Variants in ZFPM2 observed in about 807,000 individuals in gnomAD.
The protein encoded by ZFPM2 is zinc finger protein, FOG family member 2, also known as zinc finger protein ZFPM2.
ZFPM2 carries 20 observed loss-of-function variants against 98.6 expected under a neutral mutation model. The ratio of observed to expected loss-of-function variants is 0.20; its 90% CI spans 0.14 to 0.29. The LOEUF is 0.29. Among genes scored for constraint, ZFPM2 ranks in the 10% least tolerant of loss-of-function variants. ZFPM2 has a pLI of 1.00. For synonymous variants in ZFPM2, 518 were observed against 502.7 expected, an observed-to-expected ratio of 1.03 and a Z score of -0.41; for missense variants, 1,310 against 1,388.6, an observed-to-expected ratio of 0.94 and a Z score of 0.90.
At chr8:105,724,763 G>T (rs572101487) in intron 5 of ZFPM2, among the ~76,000 whole-genome samples, 2 of 151,796 alleles carry the variant, frequency 1.3e-5, no homozygotes, top group South Asian at 2.1e-4. Context: ...TTAACTTTTT[G>T]TAGTAGATTT....
At chr8:105,621,652 T>C (rs1421677856) in intron 4 of ZFPM2, among the ~76,000 whole-genome samples, 1 of 152,178 alleles carries the variant, frequency 6.6e-6, no homozygotes, top group East Asian at 1.9e-4. Context: ...ATGAGCTTGA[T>C]TATTAATATT....
intron 4 of ZFPM2, among the ~76,000 whole-genome samples, chr8:105,616,021 G>A (rs1487149304): frequency 6.6e-6 from 1 of 151,906 alleles, no homozygotes; most frequent in African/African-American, 2.4e-5. Flanking sequence ...TTAAGATTAT[G>A]GTATTTAAAT....
chr8:105,517,633 T>G (rs1206579789), intron 3 of ZFPM2, among the ~76,000 whole-genome samples: 1 of 150,868 alleles, frequency 6.6e-6, no homozygotes, highest in African/African-American at 2.4e-5. Flanking sequence ...GAGGATCACT[T>G]CAGGGCAGGA....
chr8:105,801,802 C>T lies in ZFPM2; in HGVS notation c.1720C>T (p.Arg574Ter). Residue 574 changes from arginine to a stop codon, truncating the protein, a stop_gained, in exon 8 of 8, where the codon CGA (arginine) becomes TGA (stop). Transcript: ENST00000407775. LOFTEE classifies it high-confidence loss of function. Reference sequence around the variant, plus strand: ...GCACAAAAAGCATTATTGCAGCAGCCGATGGCAGCAGATGGCTAAGTCCCC... The same window carrying T: ...GCACAAAAAGCATTATTGCAGCAGCTGATGGCAGCAGATGGCTAAGTCCCC... Reference protein sequence around the residue: ...LVHKKHYCSSRWQQMAKSPEF... With the variant: ...LVHKKHYCSS 2 of 1,613,894 alleles carry T rather than the reference C, an allele frequency of 1.2e-6. No homozygotes were observed. The highest frequency in any genetic ancestry group is 1.7e-6 in the Non-Finnish European group (2 of 1,179,872).
At chr8:105,486,131 C>T (rs1296907456) in intron 3 of ZFPM2, among the ~76,000 whole-genome samples, 1 of 151,986 alleles carries the variant, frequency 6.6e-6, no homozygotes, top group Non-Finnish European at 1.5e-5. Context: ...CATAATCCTA[C>T]TTCTATAAGT....
intron 1 of ZFPM2, among the ~76,000 whole-genome samples, chr8:105,386,302 TA>T (rs964645920): frequency 6.0e-4 from 92 of 152,272 alleles, no homozygotes; most frequent in African/African-American, 1.5e-3. Context: ...CATACATTTT[TA>T]ATTTTTTTAC....
At chr8:105,694,717 T>G (rs1463615097) in intron 5 of ZFPM2, among the ~76,000 whole-genome samples, 1 of 152,184 alleles carries the variant, frequency 6.6e-6, no homozygotes, top group Non-Finnish European at 1.5e-5. Flanking sequence ...TTAAGTACAT[T>G]AATTTTACTA....
intron 5 of ZFPM2, among the ~76,000 whole-genome samples, chr8:105,736,980 AT>A (rs200918473): frequency 2.2e-4 from 33 of 151,980 alleles, no homozygotes; most frequent in Middle Eastern, 3.4e-3. Flanking sequence ...TATTTTAAAG[AT>A]TTTTTTTCAC....
chr8:105,516,800 C>A (rs1374321457), intron 3 of ZFPM2, among the ~76,000 whole-genome samples: 3 of 152,142 alleles, frequency 2.0e-5, no homozygotes. Flanking sequence ...GTGTGTCCAG[C>A]ACCGTTCCAG....
chr8:105,670,015 G>A (rs2130902291), intron 5 of ZFPM2: 1 of 152,288 alleles, frequency 6.6e-6, no homozygotes, highest in African/African-American at 2.4e-5. Context: ...AGCGAAGAAT[G>A]ACAGCATGTC....
intron 5 of ZFPM2, among the ~76,000 whole-genome samples, chr8:105,718,917 G>A (rs912571409): frequency 1.1e-4 from 16 of 151,796 alleles, no homozygotes; most frequent in Admixed American, 7.9e-4. Context: ...CCCACATGTA[G>A]AGAGATGACT....
At chr8:105,391,154 A>G (rs1451655090) in intron 1 of ZFPM2, among the ~76,000 whole-genome samples, 2 of 152,174 alleles carry the variant, frequency 1.3e-5, no homozygotes, top group East Asian at 1.9e-4. Flanking sequence ...AACAAAAGCA[A>G]ATCTTTCAGT....
At position 105,788,738 on chromosome 8, in the gene ZFPM2, A is replaced by G. The variant is rs1813497461; in HGVS notation, c.553A>G (p.Thr185Ala). 6.2e-7 allele frequency: 1 copy of G among 1,613,986 alleles called. No individual in the cohort carries two copies. The highest frequency in any genetic ancestry group is 8.5e-7 in the Non-Finnish European group (1 of 1,179,866). Residue 185 changes from threonine (T) to alanine (A), a missense_variant, in exon 6 of 8, where the codon ACT becomes GCT. By Grantham distance (58) the Thr-to-Ala change is moderately conservative (BLOSUM62 0). Transcript: ENST00000407775. ...YSKGGQLWCT[T>A]TKAISEGEEL... ...AATAGGGGGTCAGCTTTGGTGTACA[A>G]CTACGAAGGCCATCTCTGAGGGTGA...
At chr8:105,403,312 T>C (rs1199972864) in intron 1 of ZFPM2, among the ~76,000 whole-genome samples, 1 of 152,072 alleles carries the variant, frequency 6.6e-6, no homozygotes, top group Non-Finnish European at 1.5e-5. Context: ...CCGTCTTCCC[T>C]GGTTTTTCTT....
intron 1 of ZFPM2, among the ~76,000 whole-genome samples, chr8:105,327,612 T>C (rs1218049553): frequency 6.6e-6 from 1 of 151,716 alleles, no homozygotes; most frequent in Non-Finnish European, 1.5e-5. Flanking sequence ...TACTTTAAAA[T>C]AATGATGAAA....
At chr8:105,666,499 C>T (rs1817491159) in intron 5 of ZFPM2, among the ~76,000 whole-genome samples, 1 of 152,184 alleles carries the variant, frequency 6.6e-6, no homozygotes, top group Admixed American at 6.5e-5. Flanking sequence ...CAAGCTCATA[C>T]TTTGAAAATC....
chr8:105,645,305 C>A (rs1352092638), intron 5 of ZFPM2, among the ~76,000 whole-genome samples: 1 of 152,128 alleles, frequency 6.6e-6, no homozygotes, highest in African/African-American at 2.4e-5. Context: ...GATTTATTTT[C>A]TCTGTTGTTC....
intron 3 of ZFPM2, among the ~76,000 whole-genome samples, chr8:105,557,691 T>C (rs1815029938): frequency 6.6e-6 from 1 of 152,142 alleles, no homozygotes; most frequent in Non-Finnish European, 1.5e-5. Flanking sequence ...TATTTATAAG[T>C]ACCAATAAAT....
intron 3 of ZFPM2, among the ~76,000 whole-genome samples, chr8:105,469,655 A>G (rs1812860158): frequency 6.6e-6 from 1 of 152,232 alleles, no homozygotes; most frequent in South Asian, 2.1e-4. Context: ...CAGTAAAACA[A>G]GAATAATAGT....
Sources: allele counts gnomAD v4.1 joint callset (sites outside exome capture counted in the v4.1 genomes callset), GRCh38; gene constraint gnomAD v4.1.1; transcripts MANE v1.5; gene names NCBI Gene and HGNC (gene_info 2026-07-23, HGNC 2026-07-21).